THADA: variants seen among roughly 807,000 people sequenced by gnomAD.
THADA encodes the protein THADA armadillo repeat containing, also known as tRNA (32-2'-O)-methyltransferase regulator THADA.
In THADA, 213 loss-of-function variants were observed where a neutral mutation model predicts 219.8. That is an observed-to-expected ratio of 0.97 (90% CI 0.87 to 1.09). THADA has a LOEUF of 1.09. Among genes scored for constraint, THADA ranks in the 50% least tolerant of loss-of-function variants. The probability of loss-of-function intolerance (pLI) is 0.00; values close to 1 mark genes in which losing one functional copy is unlikely to be tolerated. For synonymous variants in THADA, 1,018 were observed against 828.9 expected, an observed-to-expected ratio of 1.23 and a Z score of -3.92; for missense variants, 2,956 against 2,311.3, an observed-to-expected ratio of 1.28 and a Z score of -5.72.
At chr2:43,441,165 T>C (rs969867767) in intron 26 of THADA, among the ~76,000 whole-genome samples, 1 of 152,200 alleles carries the variant, frequency 6.6e-6, no homozygotes, top group Non-Finnish European at 1.5e-5. Flanking sequence ...GGTTTAAAAA[T>C]ATCAAAATTA....
At chr2:43,270,922 T>A (rs1325220885) in intron 36 of THADA, among the ~76,000 whole-genome samples, 1 of 152,088 alleles carries the variant, frequency 6.6e-6, no homozygotes, top group Non-Finnish European at 1.5e-5. Context: ...GTTGTGAGGA[T>A]CAAAGGGGAT....
rs1245886923 is a variant in THADA at position 43,571,344 on chromosome 2, A to G, written c.2064+363T>C. The stretch of plus-strand genomic sequence containing the variant: ...TCGGCTCACTGCAACCTCCGCTCCT[A>G]GGTTCAAGCAATTCTCCTGCTTCAG... On this transcript the variant is annotated intron_variant, in intron 13 of 37. Coordinates refer to ENST00000405975, the MANE Select transcript of THADA (RefSeq NM_022065.5). Among the ~76,000 whole-genome samples the G allele has an allele frequency of 2.7e-5, 4 of 149,390 alleles. No homozygotes were observed. The East Asian group carries it at 7.9e-4, about 30-fold the overall frequency.
chr2:43,273,832 G>A (rs1156589791), intron 36 of THADA, among the ~76,000 whole-genome samples: 1 of 152,154 alleles, frequency 6.6e-6, no homozygotes, highest in African/African-American at 2.4e-5. Flanking sequence ...CGGGGCATAT[G>A]AGAAGTGTTC....
chr2:43,448,443 T>A (rs973128369), intron 26 of THADA, among the ~76,000 whole-genome samples: 1 of 151,972 alleles, frequency 6.6e-6, no homozygotes, highest in African/African-American at 2.4e-5. Context: ...ATCTTGGAGA[T>A]ACAAACACAT....
At chr2:43,572,758 T>A (rs960285646) in intron 12 of THADA, 56 bp downstream of exon 12, 13 of 1,528,692 alleles carry the variant, frequency 8.5e-6, no homozygotes, top group Non-Finnish European at 1.2e-5. Flanking sequence ...TATATTGAAC[T>A]GCTACATGAA....
intron 31 of THADA, among the ~76,000 whole-genome samples, chr2:43,296,434 C>A (rs1675393480): frequency 6.6e-6 from 1 of 152,052 alleles, no homozygotes. Flanking sequence ...CGCCACCACA[C>A]CCAGCTAATT....
intron 29 of THADA, among the ~76,000 whole-genome samples, chr2:43,386,332 T>C (rs749305805): frequency 1.3e-5 from 2 of 152,128 alleles, no homozygotes; most frequent in African/African-American, 2.4e-5. Context: ...GTTTTTTTTT[T>C]CAAACATATG....
At chr2:43,246,858 G>A (rs1193487261) in intron 36 of THADA, among the ~76,000 whole-genome samples, 1 of 152,204 alleles carries the variant, frequency 6.6e-6, no homozygotes, top group Non-Finnish European at 1.5e-5. Flanking sequence ...AATCACCGCT[G>A]ACATGGCCCT....
At chr2:43,503,573 T>C (rs1415669002) in intron 24 of THADA, among the ~76,000 whole-genome samples, 2 of 152,210 alleles carry the variant, frequency 1.3e-5, no homozygotes. Context: ...ATCCACAGCA[T>C]AACTAACGGT....
intron 21 of THADA, among the ~76,000 whole-genome samples, chr2:43,532,364 G>C (rs1237897490): frequency 7.5e-6 from 1 of 133,094 alleles, no homozygotes; most frequent in Non-Finnish European, 1.5e-5. Context: ...AGTGAGCCAA[G>C]ATTGTGCCAC....
At chr2:43,468,379 G>A (rs1332673017) in intron 26 of THADA, among the ~76,000 whole-genome samples, 1 of 152,178 alleles carries the variant, frequency 6.6e-6, no homozygotes, top group South Asian at 2.1e-4. Flanking sequence ...GTGAAATCCG[G>A]TGGTGTTATT....
At chr2:43,557,874 T>C (rs1292271831) in intron 16 of THADA, among the ~76,000 whole-genome samples, 2 of 152,252 alleles carry the variant, frequency 1.3e-5, no homozygotes, top group Non-Finnish European at 2.9e-5. Context: ...GGATATCAAA[T>C]GTGCTGATTT....
At chr2:43,468,426 C>G (rs934820729) in intron 26 of THADA, among the ~76,000 whole-genome samples, 1 of 152,142 alleles carries the variant, frequency 6.6e-6, no homozygotes, top group Non-Finnish European at 1.5e-5. Context: ...ATAACTAACT[C>G]CATTTGGCTG....
At chr2:43,268,796 A>C (rs1418431852) in intron 36 of THADA, among the ~76,000 whole-genome samples, 2 of 152,202 alleles carry the variant, frequency 1.3e-5, no homozygotes, top group East Asian at 3.9e-4. Flanking sequence ...GGATGGAAGA[A>C]GTCTGTGGCT....
intron 31 of THADA, among the ~76,000 whole-genome samples, chr2:43,297,457 T>G (rs1244957990): frequency 1.9e-3 from 105 of 56,454 alleles, no homozygotes; most frequent in African/African-American, 3.1e-3. Context: ...TGGGGGGGGG[T>G]CAGCCCCCCG....
intron 30 of THADA, among the ~76,000 whole-genome samples, chr2:43,328,954 T>C (rs1470338547): frequency 6.6e-6 from 1 of 152,226 alleles, no homozygotes; most frequent in Non-Finnish European, 1.5e-5. Context: ...CATCTTTCTA[T>C]TAGGCATCTT....
intron 36 of THADA, among the ~76,000 whole-genome samples, chr2:43,240,223 A>AAGGGAGGACTGGAGGCGAGGCC (rs1431483978): frequency 6.6e-6 from 1 of 152,146 alleles, no homozygotes; most frequent in Admixed American, 6.5e-5. Context: ...CTGCCCACTA[A>AAGGGAGGACTGGAGGCGAGGCC]AGGGAGGACT....
intron 26 of THADA, among the ~76,000 whole-genome samples, chr2:43,444,283 T>C (rs563322947): frequency 6.6e-6 from 1 of 152,302 alleles, no homozygotes; most frequent in East Asian, 1.9e-4. Flanking sequence ...CATTTTAACA[T>C]AGTAGTCTCT....
chr2:43,591,083 G>T, intron 3 of THADA, 129 bp from the exon 4 acceptor site: 1 of 777,854 alleles, frequency 1.3e-6, no homozygotes, highest in Non-Finnish European at 2.0e-6. Flanking sequence ...CACTTTGGGA[G>T]GCTGAGGTGG....
Sources: allele counts gnomAD v4.1 joint callset (sites outside exome capture counted in the v4.1 genomes callset), GRCh38; gene constraint gnomAD v4.1.1; transcripts MANE v1.5; gene names NCBI Gene and HGNC (gene_info 2026-07-23, HGNC 2026-07-21).